The following COL13A1 variants were observed in gnomAD, a reference collection of about 807,000 sequenced individuals.
COL13A1 encodes collagen type XIII alpha 1 chain.
A neutral mutation model predicts 130.9 loss-of-function variants in COL13A1; 89 were observed. That is an observed-to-expected ratio of 0.68 (90% CI 0.57 to 0.81). The LOEUF (loss-of-function observed/expected upper bound fraction) is 0.81, where lower values mean the gene tolerates loss of function less well. Among genes scored for constraint, COL13A1 ranks in the 30% least tolerant of loss-of-function variants. The probability of loss-of-function intolerance (pLI) is 0.00; values close to 1 mark genes in which losing one functional copy is unlikely to be tolerated. For synonymous variants in COL13A1, 402 were observed against 341.6 expected, an observed-to-expected ratio of 1.18 and a Z score of -1.95; for missense variants, 879 against 934.6, an observed-to-expected ratio of 0.94 and a Z score of 0.78.
intron 7 of COL13A1, among the ~76,000 whole-genome samples, chr10:69,881,123 G>A (rs2060096325): frequency 6.6e-6 from 1 of 152,250 alleles, no homozygotes; most frequent in South Asian, 2.1e-4. Context: ...GACCAAAACA[G>A]GGGTGTGGGT....
chr10:69,866,004 G>A (rs58414305), intron 2 of COL13A1, among the ~76,000 whole-genome samples: 12 of 152,180 alleles, frequency 7.9e-5, no homozygotes, highest in Non-Finnish European at 1.5e-4. Context: ...AAAACCCCTC[G>A]AATTGTGCCT....
At chr10:69,948,410 C>CAAAA (rs1480414812) in intron 38 of COL13A1, among the ~76,000 whole-genome samples, 1 of 152,172 alleles carries the variant, frequency 6.6e-6, no homozygotes, top group African/African-American at 2.4e-5. Flanking sequence ...GGCAGCTGGT[C>CAAAA]AAAAGCAACT....
chr10:69,958,972 A>G lies in COL13A1; in HGVS notation c.*271A>G, dbSNP rs2071331557. ...CACATTTATTAAGTATCGAAGCTTA[A>G]TAAATTATTGTGTCCTGGTGCCAAA... is the stretch of plus-strand genomic sequence containing the variant. On this transcript the variant is annotated 3_prime_UTR_variant, in exon 41 of 41. Transcript: ENST00000645393. 2.2e-5 allele frequency: 10 copies of G among 458,202 alleles called. No homozygotes were observed. The South Asian group carries it at 2.8e-4, about 13-fold the overall frequency. The allele number at this position is 458,202 out of a possible 1,614,324, so 28.4% of individuals were successfully genotyped here. A position where few individuals can be genotyped will look rare whatever the true frequency, so the allele number is the denominator to read the frequency against.
At chr10:69,875,072 C>A (rs1409138896) in intron 4 of COL13A1, 56 bp from the exon 5 acceptor site, 83 of 1,612,476 alleles carry the variant, frequency 5.1e-5, no homozygotes, top group Non-Finnish European at 6.2e-5. Context: ...TAGGGTCCTT[C>A]ACATGCTAGC....
intron 2 of COL13A1, among the ~76,000 whole-genome samples, chr10:69,851,418 C>T (rs1227805519): frequency 6.6e-6 from 1 of 152,206 alleles, no homozygotes; most frequent in Non-Finnish European, 1.5e-5. Context: ...AGTTCTGGCC[C>T]CTGCCTTCCT....
intron 23 of COL13A1, 32 bp from the exon 24 acceptor site, chr10:69,923,770 T>C: frequency 6.2e-7 from 1 of 1,601,618 alleles, no homozygotes; most frequent in Middle Eastern, 1.7e-4. Context: ...GTGCCCAGCA[T>C]GCCCTCATCC....
chr10:69,936,272 C>G lies in COL13A1; in HGVS notation c.1771-484C>G, dbSNP rs2066910506. 6.6e-5 allele frequency among the ~76,000 whole-genome samples: 10 copies of G among 152,106 alleles called. No homozygotes were observed. The South Asian group carries it at 2.1e-3, about 32-fold the overall frequency. ...AACCATGGGGCCCCTGTGCATCACC[C>G]CTAGAGGGCCCCCAAGCACCCTGAA... On this transcript the variant is annotated intron_variant, in intron 32 of 40. Coordinates refer to ENST00000645393, the MANE Select transcript of COL13A1 (RefSeq NM_001368882.1).
intron 36 of COL13A1, among the ~76,000 whole-genome samples, chr10:69,944,798 G>C (rs1565146297): frequency 6.6e-6 from 1 of 152,194 alleles, no homozygotes; most frequent in Non-Finnish European, 1.5e-5. Flanking sequence ...GGTTCAGTTT[G>C]GCAAGGCCCT....
chr10:69,871,825 G>A (rs72805155), intron 3 of COL13A1, among the ~76,000 whole-genome samples: 33,208 of 152,164 alleles, frequency 0.22, 3,764 homozygotes, highest in Middle Eastern at 0.28. Flanking sequence ...TATGCCAGCC[G>A]CTGTGCTCAG....
intron 39 of COL13A1, chr10:69,955,575 C>G (rs553002617): frequency 1.3e-5 from 2 of 152,648 alleles, no homozygotes; most frequent in South Asian, 4.1e-4. Context: ...GAATGCCGCT[C>G]TGGCCCACAG....
intron 2 of COL13A1, among the ~76,000 whole-genome samples, chr10:69,832,883 C>T (rs1208274542): frequency 1.3e-5 from 2 of 152,240 alleles, no homozygotes; most frequent in African/African-American, 4.8e-5. Context: ...TCTCCACATC[C>T]TGAGAGGGAA....
At position 69,852,854 on chromosome 10, in the gene COL13A1, C is replaced by T. The variant is rs370936430; in HGVS notation, c.365-14944C>T. 3.3e-4 allele frequency among the ~76,000 whole-genome samples: 51 copies of T among 152,358 alleles called. 1 individual carries two copies. The highest frequency in any genetic ancestry group is 1.1e-3 in the African/African-American group (45 of 41,586). On this transcript the variant is annotated intron_variant, in intron 2 of 40. Transcript: ENST00000645393. ...ATGATGCTAGTGGCCAAGGTGGACT[C>T]GGCCCATTGCTGGGCCTGGGGCTGC...
At chr10:69,814,462 G>C (rs1318280593) in intron 1 of COL13A1, among the ~76,000 whole-genome samples, 1 of 152,196 alleles carries the variant, frequency 6.6e-6, no homozygotes, top group East Asian at 1.9e-4. Context: ...TGGCTCAAGA[G>C]AGAAGTGGCC....
chr10:69,957,079 C>T, intron 40 of COL13A1, 37 bp downstream of exon 40: 1 of 1,567,874 alleles, frequency 6.4e-7, no homozygotes, highest in Non-Finnish European at 8.8e-7. Context: ...GGGCTCCGTT[C>T]TCAGCAGTGC....
chr10:69,905,656 G>T (rs765037541), intron 16 of COL13A1, 131 bp from the exon 17 acceptor site: 2 of 932,874 alleles, frequency 2.1e-6, no homozygotes, highest in Non-Finnish European at 3.4e-6. Flanking sequence ...GAAGGCTGGA[G>T]ATGGGTGTTG....
At chr10:69,877,906 TCA>T in intron 5 of COL13A1, 131 bp from the exon 6 acceptor site, 3 of 643,678 alleles carry the variant, frequency 4.7e-6, no homozygotes, top group Middle Eastern at 2.4e-4. Context: ...GTTTCTTATT[TCA>T]CAGTGATTTC....
At chr10:69,936,437 G>A (rs1334112387) in intron 32 of COL13A1, among the ~76,000 whole-genome samples, 1 of 152,210 alleles carries the variant, frequency 6.6e-6, no homozygotes, top group African/African-American at 2.4e-5. Flanking sequence ...GCTAGACACT[G>A]TTCCAAGCAC....
At chr10:69,868,446 A>T (rs1293645367) in intron 3 of COL13A1, among the ~76,000 whole-genome samples, 1 of 152,220 alleles carries the variant, frequency 6.6e-6, no homozygotes, top group African/African-American at 2.4e-5. Context: ...GAGTGGAGCC[A>T]CTTCCAGAGA....
At position 69,952,893 on chromosome 10, in the gene COL13A1, G is replaced by T. The variant is rs1030429458; in HGVS notation, c.2070G>T (p.Gly690=). Reference sequence around the variant, plus strand: ...ACCATTATTTACAGGGGGAGAGGGGGAAGAAAGGCTCTAGAGGGCCTAAAG... The same window carrying T: ...ACCATTATTTACAGGGGGAGAGGGGTAAGAAAGGCTCTAGAGGGCCTAAAG... ...PGDKGNRGER[G]KKGSRGPKGD... Residue 690 remains glycine, a synonymous_variant, in exon 39 of 41, where the codon GGG becomes GGT. Coordinates refer to ENST00000645393, the MANE Select transcript of COL13A1 (RefSeq NM_001368882.1). 6.4e-7 allele frequency: 1 copy of T among 1,552,256 alleles called. No homozygotes were observed. Among genetic ancestry groups the T allele is most frequent in the Non-Finnish European group, 8.6e-7 (1 of 1,158,376 alleles).
Sources: allele counts gnomAD v4.1 joint callset (sites outside exome capture counted in the v4.1 genomes callset), GRCh38; gene constraint gnomAD v4.1.1; transcripts MANE v1.5; gene names NCBI Gene and HGNC (gene_info 2026-07-23, HGNC 2026-07-21).